The following CIT variants were observed in gnomAD, a reference collection of about 807,000 sequenced individuals.
The protein encoded by CIT is citron rho-interacting serine/threonine kinase, also known as citron Rho-interacting kinase.
CIT carries 79 observed loss-of-function variants against 272.7 expected under a neutral mutation model. The ratio of observed to expected loss-of-function variants is 0.29; its 90% CI spans 0.24 to 0.35. The LOEUF (loss-of-function observed/expected upper bound fraction) is 0.35, where lower values mean the gene tolerates loss of function less well. Among genes scored for constraint, CIT ranks in the 10% least tolerant of loss-of-function variants. The probability of loss-of-function intolerance (pLI) is 1.00; values close to 1 mark genes in which losing one functional copy is unlikely to be tolerated. For synonymous variants in CIT, 948 were observed against 995.6 expected (o/e 0.95, Z 0.90); for missense variants, 1,909 against 2,618.3 (o/e 0.73, Z 5.91).
At position 119,725,129 on chromosome 12, in the gene CIT, A is replaced by G. The variant is rs914496273; in HGVS notation, c.3591+3373T>C. Among the ~76,000 whole-genome samples the G allele has an allele frequency of 4.6e-5, 7 of 152,106 alleles. No individual in the cohort carries two copies. The East Asian group carries it at 1.4e-3, about 30-fold the overall frequency. ...AGACTTTGATTCTGGCTCCATTTAA[A>G]AGTCTCCTTATAGGCCAGGCATGGT... On this transcript the variant is annotated intron_variant, in intron 28 of 47. Transcript: ENST00000392521.
rs141526975 is a variant in CIT at position 119,870,097 on chromosome 12, C to T, written c.97-896G>A. The stretch of plus-strand genomic sequence containing the variant: ...GGTGGTCTCTCTTCAAAGATGGCCT[C>T]CAACAGTTCCTCCAATTCTGTAGGC... On this transcript the variant is annotated intron_variant, in intron 2 of 47. Transcript: ENST00000392521. 1.2e-4 allele frequency among the ~76,000 whole-genome samples: 18 copies of T among 152,312 alleles called. No homozygotes were observed. In the East Asian group the frequency reaches 3.5e-3, roughly 29 times the overall value.
Position 119,712,821 on chromosome 12 carries a change from G to A in CIT, c.4580-126C>T, listed in dbSNP as rs1414022840. ...GGTACGTGTGTAAAGAGAGGCGCACGAGAACAAGGAAGGGACAGAGGTGTG... is the reference window on the plus strand; with the variant it reads ...GGTACGTGTGTAAAGAGAGGCGCACAAGAACAAGGAAGGGACAGAGGTGTG... On this transcript the variant is annotated intron_variant, in intron 35 of 47. Coordinates refer to ENST00000392521, the MANE Select transcript of CIT (RefSeq NM_001206999.2). This position sits in a 1 kb window ranked among gnomAD's most constrained non-coding sequence, Gnocchi z 5.2. The A allele has an allele frequency of 8.4e-6, 6 of 716,800 alleles. No homozygotes were observed. The highest frequency in any genetic ancestry group is 2.7e-5 in the East Asian group (1 of 37,388). 44.4% of individuals were successfully genotyped at this position (716,800 alleles called of 1,614,324 possible). A position where few individuals can be genotyped will look rare whatever the true frequency, so the allele number is the denominator to read the frequency against.
rs1425930394 is a variant in CIT at position 119,697,713 on chromosome 12, T to C, written c.5828A>G (p.Asn1943Ser). ...DKLRVICCKG[N>S]LVKESGTEHH... ...TTCAGTGCCGGACTCCTTCACGAGGTTTCCCTTGCAGCAAATGACCCTTAA... is the reference window on the plus strand; with the variant it reads ...TTCAGTGCCGGACTCCTTCACGAGGCTTCCCTTGCAGCAAATGACCCTTAA... Residue 1943 changes from asparagine (N) to serine (S), a missense_variant, in exon 46 of 48, where the codon AAC (asparagine) becomes AGC (serine). Asn to Ser is a conservative substitution (Grantham distance 46). Around this residue, in one of 8 missense-constraint regions of CIT, gnomAD observed 780 missense variants for 1,067.2 expected, o/e 0.73. Coordinates refer to ENST00000392521, the MANE Select transcript of CIT (RefSeq NM_001206999.2). This position sits in a 1 kb window ranked among gnomAD's most constrained non-coding sequence, Gnocchi z 4.9. The C allele has an allele frequency of 3.1e-6, 5 of 1,613,910 alleles. No homozygotes were observed. Among genetic ancestry groups the C allele is most frequent in the Non-Finnish European group, 4.2e-6 (5 of 1,180,022 alleles).
At chr12:119,781,121 T>C (rs528855120) in intron 13 of CIT, among the ~76,000 whole-genome samples, 2 of 152,172 alleles carry the variant, frequency 1.3e-5, no homozygotes, top group Non-Finnish European at 2.9e-5. Context: ...ACTTTTAGGA[T>C]GAAAAACTAT....
chr12:119,715,871 CG>C (rs1458393426), intron 32 of CIT, among the ~76,000 whole-genome samples: 1 of 152,096 alleles, frequency 6.6e-6, no homozygotes, highest in Non-Finnish European at 1.5e-5. Context: ...ACTGACTATA[CG>C]GTAGGCTCTC....
intron 3 of CIT, among the ~76,000 whole-genome samples, chr12:119,857,947 A>C (rs1395602013): frequency 6.6e-6 from 1 of 152,118 alleles, no homozygotes; most frequent in Non-Finnish European, 1.5e-5. Context: ...AATCCCATAG[A>C]CTCAGAAAAT....
Position 119,761,003 on chromosome 12 carries a change from T to C in CIT, c.2357A>G (p.Asn786Ser), listed in dbSNP as rs368057062. The C allele has an allele frequency of 6.2e-6, 10 of 1,614,096 alleles. No individual in the cohort carries two copies. In the African/African-American group the frequency reaches 1.2e-4, roughly 19 times the overall value. ...KDLADKETLE[N>S]MMQRHEEEAH... ...CTCCTCCTCGTGTCTCTGCATCATG[T>C]TCTCCAGTGTCTCCTTGTCAGCCAG... is the stretch of plus-strand genomic sequence containing the variant. The change falls in exon 20 of 48, where the codon AAC (asparagine) becomes AGC (serine). Residue 786 changes from asparagine (N) to serine (S), a missense_variant. This residue lies in a region of CIT where 530 missense variants were observed against 822.4 expected (regional missense o/e 0.64). Coordinates refer to ENST00000392521, the MANE Select transcript of CIT (RefSeq NM_001206999.2).
At chr12:119,856,229 C>A (rs559721488) in intron 4 of CIT, among the ~76,000 whole-genome samples, 1 of 152,118 alleles carries the variant, frequency 6.6e-6, no homozygotes, top group African/African-American at 2.4e-5. Context: ...TCCCCAACAG[C>A]CTCACAAAGT....
In CIT at chr12:119,836,764, C is replaced by G. The variant is rs76985858; in HGVS notation, c.517-2536G>C. 9.8e-3 allele frequency among the ~76,000 whole-genome samples: 1,488 copies of G among 152,248 alleles called. 15 individuals carry two copies. The highest frequency in any genetic ancestry group is 0.021 in the Middle Eastern group (6 of 292). On this transcript the variant is annotated intron_variant, in intron 5 of 47. Transcript: ENST00000392521. The stretch of plus-strand genomic sequence containing the variant: ...AGTCATACGCATAGCAGAGCAGCCA[C>G]CGGCAACTCTTAAGAACTGACAAAC...
In CIT at chr12:119,733,246, C is replaced by A. The variant is rs578148521; in HGVS notation, c.3350+918G>T. 2.7e-3 allele frequency among the ~76,000 whole-genome samples: 403 copies of A among 150,396 alleles called. 2 individuals are homozygous for A. The highest frequency in any genetic ancestry group is 3.9e-3 in the African/African-American group (161 of 41,130). Reference sequence around the variant, plus strand: ...CTAAGAAAGGAGAAAAAAAAAAAAACCAGCCAGGTGTGGTGGCTCACGCTT... The same window carrying A: ...CTAAGAAAGGAGAAAAAAAAAAAAAACAGCCAGGTGTGGTGGCTCACGCTT... On this transcript the variant is annotated intron_variant, in intron 26 of 47. Transcript: ENST00000392521.
chr12:119,758,620 T>A lies in CIT; in HGVS notation c.2502A>T (p.Ala834=). ...VELSEANKLA[A]NSSLFTQRNM... ...TCCTTTGGGTAAAAAGACTGCTATT[T>A]GCTGCAAGTTTATTGGCTTCAGACA... The change falls in exon 21 of 48, where the codon GCA becomes GCT. Residue 834 remains alanine (A), a synonymous_variant. Coordinates refer to ENST00000392521, the MANE Select transcript of CIT (RefSeq NM_001206999.2). 1.2e-6 allele frequency: 2 copies of A among 1,613,348 alleles called. No homozygotes were observed. The highest frequency in any genetic ancestry group is 2.2e-5 in the South Asian group (2 of 91,062).
At chr12:119,830,899 T>A (rs1968569635) in intron 7 of CIT, among the ~76,000 whole-genome samples, 1 of 152,248 alleles carries the variant, frequency 6.6e-6, no homozygotes, top group Admixed American at 6.5e-5. Context: ...CAGGGTCTTG[T>A]TCTGTCGCCC....
At chr12:119,875,924 G>C (rs1594030226) in intron 2 of CIT, 149 bp downstream of exon 2, 2 of 542,244 alleles carry the variant, frequency 3.7e-6, no homozygotes, top group East Asian at 6.7e-5. Flanking sequence ...GGAGGCGGAG[G>C]TTGCAGTGAG....
rs147388782 is a variant in CIT, at chr12:119,734,349, C to G, written c.3165G>C (p.Glu1055Asp). The change falls in exon 26 of 48, where the codon GAG becomes GAC. Residue 1055 changes from glutamate to aspartate, a missense_variant. Transcript: ENST00000392521. ...GCATGGTGCACGTGGTCTTCAGAGC[C>G]TCCATCGTCTGCAAATCAGTAGCAC... ...MQLTSQKQTM[E>D]ALKTTCTMLE... The G allele has an allele frequency of 7.7e-5, 125 of 1,612,964 alleles. No homozygotes were observed. The Admixed American group carries it at 9.8e-4, about 13-fold the overall frequency.
chr12:119,784,135 C>T lies in CIT; in HGVS notation c.1402-84G>A. 6.2e-7 allele frequency: 1 copy of T among 1,612,696 alleles called. No individual in the cohort carries two copies. The highest frequency in any genetic ancestry group is 8.5e-7 in the Non-Finnish European group (1 of 1,179,244). ...CATCTCAAGTAGCCTCCGAAACCAC[C>T]TGGTGGTCTGGGCTAAGGCTAATTC... On this transcript the variant is annotated intron_variant, in intron 11 of 47. Transcript: ENST00000392521. The surrounding 1 kb of genome is among the most constrained non-coding windows in gnomAD (Gnocchi z 4.7).
intron 10 of CIT, among the ~76,000 whole-genome samples, chr12:119,792,325 G>GCC (rs200534960): frequency 0.015 from 2,323 of 152,202 alleles, 27 homozygotes; most frequent in Middle Eastern, 0.024. Flanking sequence ...TCAGCTGAGG[G>GCC]CCCCACCTTT....
Position 119,742,411 on chromosome 12 carries a change from A to G in CIT, c.2958T>C (p.Thr986=). ...RKFDALRNSC[T]VITDLEEQLN... The stretch of plus-strand genomic sequence containing the variant: ...TCGTCTTTGGGTAATTAATACTCAC[A>G]GTACAGCTGTTACGAAGAGCATCAA... The change falls in exon 24 of 48, where the codon ACT becomes ACC. Residue 986 remains threonine (T), a splice_region_variant and synonymous_variant. Transcript: ENST00000392521. 1 of 1,603,332 alleles carries G rather than the reference A, an allele frequency of 6.2e-7. No homozygotes were observed. Among genetic ancestry groups the G allele is most frequent in the Non-Finnish European group, 8.5e-7 (1 of 1,176,010 alleles).
intron 46 of CIT, among the ~76,000 whole-genome samples, chr12:119,692,861 AC>A (rs1956033904): frequency 6.6e-6 from 1 of 152,136 alleles, no homozygotes; most frequent in Non-Finnish European, 1.5e-5. Flanking sequence ...GAAGGCCAGA[AC>A]CCCTGTCTCT....
In CIT at chr12:119,714,351, T is replaced by C; in HGVS notation, c.4169-17A>G. On this transcript the variant is annotated splice_polypyrimidine_tract_variant and intron_variant, in intron 32 of 47. Transcript: ENST00000392521. ...GACTAAATTCTGGAGGAAAATGTTT[T>C]AAAAAATCATTAGAGTACTGCAAAT... 1 of 1,613,192 alleles carries C rather than the reference T, an allele frequency of 6.2e-7. No individual in the cohort carries two copies. The highest frequency in any genetic ancestry group is 8.5e-7 in the Non-Finnish European group (1 of 1,179,544).
Sources: allele counts gnomAD v4.1 joint callset (sites outside exome capture counted in the v4.1 genomes callset), GRCh38; gene constraint gnomAD v4.1.1; regional missense constraint gnomAD v4.1.1; non-coding constraint Gnocchi (gnomAD v3.1); transcripts MANE v1.5; gene names NCBI Gene and HGNC (gene_info 2026-07-23, HGNC 2026-07-21).